The following AXDND1 variants were observed in gnomAD, a reference collection of about 807,000 sequenced individuals.
AXDND1 encodes the protein axonemal dynein light chain domain-containing protein 1.
In AXDND1, 110 loss-of-function variants were observed where a neutral mutation model predicts 137.5. The ratio of observed to expected loss-of-function variants is 0.80; its 90% CI spans 0.69 to 0.94. The LOEUF (loss-of-function observed/expected upper bound fraction) is 0.94. AXDND1 is among the 40% of genes least tolerant of loss of function. AXDND1 has a pLI of 0.00. For synonymous variants in AXDND1, 414 were observed against 399.7 expected, an observed-to-expected ratio of 1.04 and a Z score of -0.43; for missense variants, 1,191 against 1,169.8, an observed-to-expected ratio of 1.02 and a Z score of -0.26.
intron 21 of AXDND1, among the ~76,000 whole-genome samples, chr1:179,515,304 A>G (rs1669432406): frequency 6.6e-6 from 1 of 152,072 alleles, no homozygotes; most frequent in Admixed American, 6.6e-5. Context: ...TTGTCTGGAA[A>G]AGACTATATC....
intron 11 of AXDND1, among the ~76,000 whole-genome samples, chr1:179,400,132 T>C (rs1304104842): frequency 6.6e-6 from 1 of 152,166 alleles, no homozygotes; most frequent in Non-Finnish European, 1.5e-5. Context: ...GGCATGTTCA[T>C]AGTGGCACAA....
intron 18 of AXDND1, among the ~76,000 whole-genome samples, chr1:179,488,639 C>CTTTCTTTCTT (rs1558256538): frequency 6.0e-5 from 3 of 50,366 alleles, no homozygotes; most frequent in African/African-American, 7.7e-5. Flanking sequence ...TCTCTCCTTT[C>CTTTCTTTCTT]TTTCTTTCTT....
chr1:179,538,938 A>T (rs1671821816), intron 25 of AXDND1, among the ~76,000 whole-genome samples: 1 of 151,808 alleles, frequency 6.6e-6, no homozygotes, highest in African/African-American at 2.4e-5. Flanking sequence ...TCCCTTTACC[A>T]TTATGTAATG....
At chr1:179,432,122 G>T (rs1426514024) in intron 14 of AXDND1, 145 bp from the exon 15 acceptor site, 1 of 1,039,138 alleles carries the variant, frequency 9.6e-7, no homozygotes, top group Non-Finnish European at 1.3e-6. Context: ...ATAAATACCT[G>T]TGGGGAGAGG....
At chr1:179,517,656 G>A (rs1440187079) in intron 21 of AXDND1, among the ~76,000 whole-genome samples, 1 of 152,136 alleles carries the variant, frequency 6.6e-6, no homozygotes, top group Non-Finnish European at 1.5e-5. Context: ...TATTTTGCTC[G>A]GCTCTCTAAA....
chr1:179,512,184 T>G (rs1669120300), intron 21 of AXDND1, among the ~76,000 whole-genome samples: 1 of 152,236 alleles, frequency 6.6e-6, no homozygotes, highest in African/African-American at 2.4e-5. Context: ...TCTAGAATTT[T>G]TATAGTTTCA....
chr1:179,519,986 C>A (rs553408717), intron 21 of AXDND1, among the ~76,000 whole-genome samples: 1 of 144,430 alleles, frequency 6.9e-6, no homozygotes, highest in Non-Finnish European at 1.5e-5. Flanking sequence ...CCAGTATGGC[C>A]ATTTTAACGA....
At chr1:179,427,748 T>C (rs569142162) in intron 12 of AXDND1, among the ~76,000 whole-genome samples, 143 of 152,316 alleles carry the variant, frequency 9.4e-4, no homozygotes, top group South Asian at 8.9e-3. Context: ...CTTGAAACAG[T>C]ACTATCATTA....
intron 11 of AXDND1, among the ~76,000 whole-genome samples, chr1:179,408,628 C>T (rs540011683): frequency 2.6e-5 from 4 of 152,250 alleles, no homozygotes; most frequent in Admixed American, 1.3e-4. Context: ...GATCCCACCT[C>T]GGCCTCCCAA....
intron 18 of AXDND1, among the ~76,000 whole-genome samples, 189 bp from the exon 19 acceptor site, chr1:179,491,349 G>C (rs1233481138): frequency 1.3e-5 from 2 of 152,046 alleles, no homozygotes; most frequent in African/African-American, 4.8e-5. Context: ...AAAAAGAAGA[G>C]AGTAGCTTAG....
intron 3 of AXDND1, among the ~76,000 whole-genome samples, chr1:179,369,425 G>A (rs1432354616): frequency 1.3e-5 from 2 of 152,144 alleles, no homozygotes; most frequent in Non-Finnish European, 2.9e-5. Context: ...GGAGGCTGAG[G>A]CAGGCAGATC....
At chr1:179,534,993 A>T in intron 25 of AXDND1, 31 bp downstream of exon 25, 1 of 1,606,612 alleles carries the variant, frequency 6.2e-7, no homozygotes, top group South Asian at 1.1e-5. Flanking sequence ...TGCTTTATTC[A>T]GGTTGTATTT....
At chr1:179,414,418 T>TATTA (rs1350082500) in intron 12 of AXDND1, among the ~76,000 whole-genome samples, 33 of 151,446 alleles carry the variant, frequency 2.2e-4, no homozygotes, top group African/African-American at 6.8e-4. Context: ...AATCTTTATT[T>TATTA]ATTTATTTAT....
At chr1:179,439,643 T>G (rs1050137494) in intron 15 of AXDND1, among the ~76,000 whole-genome samples, 4 of 151,666 alleles carry the variant, frequency 2.6e-5, no homozygotes, top group Admixed American at 6.6e-5. Context: ...GAATCAGGGG[T>G]TTTTGCCTGT....
In AXDND1 at chr1:179,448,464, C is replaced by T. The variant is rs1390400994; in HGVS notation, c.1798+3260C>T. ...ATTTTCAGCCACCTTTCCTTATTTCCTTATATTCCAAATATTTAATATAAA... is the reference window on the plus strand; with the variant it reads ...ATTTTCAGCCACCTTTCCTTATTTCTTTATATTCCAAATATTTAATATAAA... On this transcript the variant is annotated intron_variant, in intron 16 of 25. Coordinates refer to ENST00000367618, the MANE Select transcript of AXDND1 (RefSeq NM_144696.6). 4 of 491,826 alleles carry T rather than the reference C, an allele frequency of 8.1e-6. No homozygotes were observed. The East Asian group carries it at 1.9e-4, about 23-fold the overall frequency. The allele number at this position is 491,826 out of a possible 1,614,324, so 30.5% of individuals were successfully genotyped here. A position where few individuals can be genotyped will look rare whatever the true frequency, so the allele number is the denominator to read the frequency against.
intron 4 of AXDND1, among the ~76,000 whole-genome samples, chr1:179,372,544 G>A (rs1453821999): frequency 1.3e-5 from 2 of 151,926 alleles, no homozygotes; most frequent in Non-Finnish European, 2.9e-5. Flanking sequence ...ATAAAATCCA[G>A]TTATTATGTT....
chr1:179,378,736 T>C lies in AXDND1; in HGVS notation c.474T>C (p.Asp158=). The C allele has an allele frequency of 6.3e-7, 1 of 1,577,836 alleles. No individual in the cohort carries two copies. Among genetic ancestry groups the C allele is most frequent in the East Asian group, 2.3e-5 (1 of 43,280 alleles). ...TGGCCCGTTCATTACAGTCACATGA[T>C]GGTGTCATTGTGCCCCATAAGGTAA... is the stretch of plus-strand genomic sequence containing the variant. ...PHLARSLQSH[D]GVIVPHKPKT... is the part of the protein sequence containing the mutation. Residue 158 remains aspartate (D), a synonymous_variant, in exon 5 of 26, where the codon GAT becomes GAC. Coordinates refer to ENST00000367618, the MANE Select transcript of AXDND1 (RefSeq NM_144696.6).
chr1:179,554,057 C>T (rs1429606729), intron 25 of AXDND1, among the ~76,000 whole-genome samples: 2 of 151,948 alleles, frequency 1.3e-5, no homozygotes, highest in Non-Finnish European at 2.9e-5. Context: ...GGATTACAGG[C>T]ATGTGCTACC....
intron 20 of AXDND1, among the ~76,000 whole-genome samples, chr1:179,494,178 C>T (rs113606295): frequency 0.063 from 9,577 of 152,204 alleles, 358 homozygotes; most frequent in African/African-American, 0.071. Context: ...TCTCAAACTC[C>T]TGACCTCAAG....
Sources: allele counts gnomAD v4.1 joint callset (sites outside exome capture counted in the v4.1 genomes callset), GRCh38; gene constraint gnomAD v4.1.1; transcripts MANE v1.5; gene names NCBI Gene and HGNC (gene_info 2026-07-23, HGNC 2026-07-21).